The following KRT9 variants were observed in gnomAD, a reference collection of about 807,000 sequenced individuals.
KRT9 encodes keratin, type I cytoskeletal 9.
A neutral mutation model predicts 51.4 loss-of-function variants in KRT9; 34 were observed. The ratio of observed to expected loss-of-function variants is 0.66; its 90% CI spans 0.50 to 0.88. The LOEUF is 0.88. Among genes scored for constraint, KRT9 ranks in the 40% least tolerant of loss-of-function variants. The probability of loss-of-function intolerance (pLI) is 0.00; values close to 1 mark genes in which losing one functional copy is unlikely to be tolerated. For synonymous variants in KRT9, 292 were observed against 289.7 expected, an observed-to-expected ratio of 1.01 and a Z score of -0.08; for missense variants, 753 against 790.3, an observed-to-expected ratio of 0.95 and a Z score of 0.57.
intron 7 of KRT9, 117 bp downstream of exon 7, chr17:41,567,115 AT>A: frequency 6.6e-7 from 1 of 1,509,156 alleles, no homozygotes; most frequent in East Asian, 2.3e-5. Context: ...CTCACTAGAG[AT>A]TTCCCTAACA....
Position 41,571,719 on chromosome 17 carries a change from C to G in KRT9, c.274G>C (p.Gly92Arg). The change falls in exon 1 of 8, where the codon GGT becomes CGT. Residue 92 changes from glycine (G) to arginine (R), a missense_variant. Gly to Arg is a moderately radical substitution (Grantham distance 125). Around this residue, in one of 3 missense-constraint regions of KRT9, gnomAD observed 241 missense variants for 210.3 expected, o/e 1.15. Coordinates refer to ENST00000246662, the MANE Select transcript of KRT9 (RefSeq NM_000226.4). ...GCACCACCAAAACCTCTGGAACCAC[C>G]CCCAAAGCCACCGCCTAAACTACTG... is the stretch of plus-strand genomic sequence containing the variant. ...SASSLGGGFGGGSRGFGGASG... is the reference protein window; with the variant it reads ...SASSLGGGFGRGSRGFGGASG... 1 of 1,612,042 alleles carries G rather than the reference C, an allele frequency of 6.2e-7. No individual in the cohort carries two copies. The highest frequency in any genetic ancestry group is 1.1e-5 in the South Asian group (1 of 90,750).
At chr17:41,569,792 C>T (rs1382793508) in intron 3 of KRT9, 67 bp downstream of exon 3, 1 of 1,593,828 alleles carries the variant, frequency 6.3e-7, no homozygotes, top group African/African-American at 1.3e-5. Context: ...TGTTCCAAAG[C>T]TCCCCTGCTG....
chr17:41,568,713 C>G (rs1488514363), intron 4 of KRT9, 80 bp from the exon 5 acceptor site: 2 of 1,580,446 alleles, frequency 1.3e-6, no homozygotes, highest in East Asian at 2.2e-5. Context: ...TCACCAGGAT[C>G]TTCACCTCCA....
rs1035629727 is a variant in KRT9 at position 41,568,564 on chromosome 17, G to A, written c.1114C>T (p.Gln372Ter). 8.1e-6 allele frequency: 13 copies of A among 1,614,054 alleles called. No homozygotes were observed. The highest frequency in any genetic ancestry group is 1.1e-5 in the Non-Finnish European group (13 of 1,180,032). Reference protein sequence around the residue: ...EVQSSAKEVTQLRHGVQELEI... With the variant: ...EVQSSAKEVT ...AACTCCTGGACACCGTGCCGGAGCTGGGTCACCTCCTTGGCACTGGACTGC... is the reference window on the plus strand; with the variant it reads ...AACTCCTGGACACCGTGCCGGAGCTAGGTCACCTCCTTGGCACTGGACTGC... The change falls in exon 5 of 8, where the codon CAG (glutamine) becomes TAG (stop). Residue 372 changes from glutamine to a stop codon, truncating the protein, a stop_gained. Coordinates refer to ENST00000246662, the MANE Select transcript of KRT9 (RefSeq NM_000226.4). LOFTEE classifies it high-confidence loss of function.
chr17:41,568,332 C>T lies in KRT9; in HGVS notation c.1224G>A (p.Gln408=), dbSNP rs1322035310. Residue 408 remains glutamine, a synonymous_variant, in exon 6 of 8, where the codon CAG becomes CAA. Transcript: ENST00000246662. ...TGATCTGCTCCTGGATCATCTGCAGCTGGCCACAGTAGCGGTTCTTCGTGT... is the reference window on the plus strand; with the variant it reads ...TGATCTGCTCCTGGATCATCTGCAGTTGGCCACAGTAGCGGTTCTTCGTGT... ...LEDTKNRYCG[Q]LQMIQEQISN... 2.5e-6 allele frequency: 4 copies of T among 1,614,102 alleles called. No homozygotes were observed. Among genetic ancestry groups the T allele is most frequent in the South Asian group, 2.2e-5 (2 of 91,094 alleles).
At chr17:41,570,344 C>G in intron 1 of KRT9, 124 bp from the exon 2 acceptor site, 1 of 834,472 alleles carries the variant, frequency 1.2e-6, no homozygotes, top group Non-Finnish European at 2.1e-6. Context: ...GAATGAGGAA[C>G]TTCCAACAGC....
At position 41,568,621 on chromosome 17, in the gene KRT9, C is replaced by T. The variant is rs1302186520; in HGVS notation, c.1057G>A (p.Glu353Lys). 6.2e-6 allele frequency: 10 copies of T among 1,614,008 alleles called. No homozygotes were observed. The African/African-American group carries it at 6.7e-5, about 11-fold the overall frequency. Reference sequence around the variant, plus strand: ...TGACCACTACTGGATACCTCATGCTCGATCTGGGTTATCTGCAAAACCAAA... The same window carrying T: ...TGACCACTACTGGATACCTCATGCTTGATCTGGGTTATCTGCAAAACCAAA... ...NQYETQITQI[E>K]HEVSSSGQEV... Residue 353 changes from glutamate to lysine, a missense_variant, in exon 5 of 8, where the codon GAG becomes AAG. By Grantham distance (56) the Glu-to-Lys change is moderately conservative. This residue lies in a region of KRT9 where 507 missense variants were observed against 563.7 expected (regional missense o/e 0.90). Transcript: ENST00000246662.
chr17:41,570,687 T>TGCAGC (rs1907052184), intron 1 of KRT9, among the ~76,000 whole-genome samples: 1 of 152,138 alleles, frequency 6.6e-6, no homozygotes, highest in Non-Finnish European at 1.5e-5. Flanking sequence ...AAACAGCACA[T>TGCAGC]TCAGAGACAT....
At chr17:41,568,933 C>T (rs1291574790) in intron 4 of KRT9, among the ~76,000 whole-genome samples, 7 of 151,550 alleles carry the variant, frequency 4.6e-5, no homozygotes, top group Non-Finnish European at 1.0e-4. Context: ...CACACACACA[C>T]ACACACACAC....
At chr17:41,568,933 CA>C (rs1906977107) in intron 4 of KRT9, among the ~76,000 whole-genome samples, 1 of 151,550 alleles carries the variant, frequency 6.6e-6, no homozygotes. Flanking sequence ...CACACACACA[CA>C]CACACACACA....
Position 41,572,029 on chromosome 17 carries a change from T to C in KRT9, c.-37A>G, listed in dbSNP as rs1907109509. Reference sequence around the variant, plus strand: ...TAGCTCACGGGTTGAGAAGCAGTGATAGGAGTGCTACCGGCTCCCAAGTGC... The same window carrying C: ...TAGCTCACGGGTTGAGAAGCAGTGACAGGAGTGCTACCGGCTCCCAAGTGC... On this transcript the variant is annotated 5_prime_UTR_variant, in exon 1 of 8. Transcript: ENST00000246662. The C allele has an allele frequency of 1.9e-6, 3 of 1,548,694 alleles. No homozygotes were observed. Among genetic ancestry groups the C allele is most frequent in the East Asian group, 4.7e-5 (2 of 42,406 alleles).
At chr17:41,569,350 G>A (rs1353984227) in intron 4 of KRT9, 76 bp downstream of exon 4, 18 of 1,405,518 alleles carry the variant, frequency 1.3e-5, no homozygotes, top group Non-Finnish European at 1.7e-5. Flanking sequence ...GGAGGATGAA[G>A]GAATGGGAGG....
In KRT9 at chr17:41,571,629, C is replaced by T. The variant is rs1774988914; in HGVS notation, c.364G>A (p.Gly122Ser). ...GGGFGGGSGGGFGGGYGSGFG... is the reference protein window; with the variant it reads ...GGGFGGGSGGSFGGGYGSGFG... ...CCACTCCCATAGCCACCACCAAAGC[C>T]ACCTCCAGAACCACCACCAAAGCCA... The change falls in exon 1 of 8, where the codon GGC (glycine) becomes AGC (serine). Residue 122 changes from glycine to serine, a missense_variant. Around this residue, in one of 3 missense-constraint regions of KRT9, gnomAD observed 241 missense variants for 210.3 expected, o/e 1.15. Transcript: ENST00000246662. The T allele has an allele frequency of 2.5e-6, 4 of 1,605,800 alleles. No individual in the cohort carries two copies. The highest frequency in any genetic ancestry group is 2.3e-5 in the East Asian group (1 of 44,230).
Position 41,571,835 on chromosome 17 carries a change from T to C in KRT9, c.158A>G (p.Tyr53Cys). The stretch of plus-strand genomic sequence containing the variant: ...ACAGACACGAGAGCTTCCCCCACCA[T>C]AGCCACTAGAAGAGCTGAATCGGCC... The part of the protein sequence containing the change: ...GGGRFSSSSG[Y>C]GGGSSRVCGR... Residue 53 changes from tyrosine (Y) to cysteine (C), a missense_variant, in exon 1 of 8, where the codon TAT becomes TGT. By Grantham distance (194) the Tyr-to-Cys change is radical. Coordinates refer to ENST00000246662, the MANE Select transcript of KRT9 (RefSeq NM_000226.4). The C allele has an allele frequency of 1.2e-6, 2 of 1,607,194 alleles. No individual in the cohort carries two copies. The highest frequency in any genetic ancestry group is 1.7e-6 in the Non-Finnish European group (2 of 1,175,630).
intron 6 of KRT9, 111 bp downstream of exon 6, chr17:41,568,051 A>T: frequency 9.4e-7 from 1 of 1,061,600 alleles, no homozygotes; most frequent in Admixed American, 2.1e-5. Context: ...TCCTCAACCC[A>T]TAAGACCCTG....
In KRT9 at chr17:41,571,651, GCCACCTCCAAAAC is replaced by G. The variant is rs1328610470; in HGVS notation, c.329_341del (p.Gly110AlafsTer36). 6.2e-7 allele frequency: 1 copy of G among 1,602,968 alleles called. No homozygotes were observed. The highest frequency in any genetic ancestry group is 8.5e-7 in the Non-Finnish European group (1 of 1,174,888). ...AGCCACCTCCAGAACCACCACCAAA[GCCACCTCCAAAAC>G]CCCCAGAACTACTATAGCCTCCTCC... On this transcript the variant is annotated frameshift_variant, in exon 1 of 8. Coordinates refer to ENST00000246662, the MANE Select transcript of KRT9 (RefSeq NM_000226.4). LOFTEE classifies it high-confidence loss of function.
chr17:41,568,911 T>TACACAC lies in KRT9; in HGVS notation c.1045-284_1045-279dup, dbSNP rs5820419. ...CCAAACTTCCCCCACCTTTCAAACA[T>TACACAC]ACACACACACACACACACACACACA... On this transcript the variant is annotated intron_variant, in intron 4 of 7. Transcript: ENST00000246662. Among the ~76,000 whole-genome samples, 349 of 133,832 alleles carry TACACAC rather than the reference T, an allele frequency of 2.6e-3. 7 individuals are homozygous for TACACAC. Among genetic ancestry groups the TACACAC allele is most frequent in the East Asian group, 0.012 (49 of 4,232 alleles). The allele number at this position is 133,832 out of a possible 152,430, so 87.8% of individuals were successfully genotyped here.
rs1906943384 is a variant in KRT9 at position 41,568,233 on chromosome 17, G to A, written c.1323C>T (p.Leu441=). 4 of 1,614,126 alleles carry A rather than the reference G, an allele frequency of 2.5e-6. No homozygotes were observed. Among genetic ancestry groups the A allele is most frequent in the Non-Finnish European group, 3.4e-6 (4 of 1,180,024 alleles). ...ECQNQEYSLL[L]SIKMRLEKEI... ...CCTTCTCCAGCCGCATCTTAATGCT[G>A]AGCAGAAGGCTGTATTCCTGATTCT... The change falls in exon 6 of 8, where the codon CTC becomes CTT. Residue 441 remains leucine, a synonymous_variant. Coordinates refer to ENST00000246662, the MANE Select transcript of KRT9 (RefSeq NM_000226.4).
chr17:41,570,818 C>T (rs1246173291), intron 1 of KRT9, among the ~76,000 whole-genome samples: 1 of 152,148 alleles, frequency 6.6e-6, no homozygotes, highest in Non-Finnish European at 1.5e-5. Context: ...TAGGCACTCA[C>T]TGAACTGAGT....
Sources: allele counts gnomAD v4.1 joint callset (sites outside exome capture counted in the v4.1 genomes callset), GRCh38; gene constraint gnomAD v4.1.1; regional missense constraint gnomAD v4.1.1; transcripts MANE v1.5; gene names NCBI Gene and HGNC (gene_info 2026-07-23, HGNC 2026-07-21).